The following UNC5D variants were observed in gnomAD, a reference collection of about 807,000 sequenced individuals.
UNC5D encodes the protein netrin receptor UNC5D.
A neutral mutation model predicts 105.4 loss-of-function variants in UNC5D; 39 were observed. The observed-to-expected ratio is 0.37, with a 90% confidence interval of 0.29 to 0.48. The LOEUF (loss-of-function observed/expected upper bound fraction) is 0.48. Ranked by LOEUF, UNC5D falls within the 20% of genes least tolerant of loss-of-function variation. UNC5D has a pLI of 0.98. For synonymous variants in UNC5D, 452 were observed against 450.4 expected, an observed-to-expected ratio of 1.00 and a Z score of -0.04; for missense variants, 991 against 1,202.4, an observed-to-expected ratio of 0.82 and a Z score of 2.60.
At chr8:35,280,548 T>A (rs1350846940) in intron 1 of UNC5D, among the ~76,000 whole-genome samples, 2 of 152,210 alleles carry the variant, frequency 1.3e-5, no homozygotes, top group Non-Finnish European at 1.5e-5. Flanking sequence ...TTGTTATTGT[T>A]GGTGGGGTCG....
intron 1 of UNC5D, chr8:35,525,362 G>A (rs562376644): frequency 1.4e-5 from 22 of 1,611,958 alleles, no homozygotes; most frequent in Admixed American, 3.3e-5. Context: ...CCATGACTAC[G>A]ATGTTTTTTT....
At chr8:35,646,603 A>G (rs1369515863) in intron 4 of UNC5D, among the ~76,000 whole-genome samples, 4 of 152,114 alleles carry the variant, frequency 2.6e-5, no homozygotes, top group African/African-American at 4.8e-5. Context: ...TAGTACTTAA[A>G]GCTTAATACT....
In UNC5D at chr8:35,587,965, AATATATATATATAT is replaced by A. The variant is rs57681405; in HGVS notation, c.467-7573_467-7560del. 4.1e-4 allele frequency among the ~76,000 whole-genome samples: 43 copies of A among 105,096 alleles called. 1 individual carries two copies. The highest frequency in any genetic ancestry group is 3.9e-3 in the South Asian group (10 of 2,536). The allele number at this position is 105,096 out of a possible 152,430, so 68.9% of individuals were successfully genotyped here. A position where few individuals can be genotyped will look rare whatever the true frequency, so the allele number is the denominator to read the frequency against. ...TTAGGGTTTTTCCTATAACTATAAT[AATATATATATATAT>A]ATATATATATATATACTAATCCCAC... On this transcript the variant is annotated intron_variant, in intron 3 of 16. Transcript: ENST00000404895.
chr8:35,260,286 C>A (rs916312893), intron 1 of UNC5D, among the ~76,000 whole-genome samples: 4 of 152,098 alleles, frequency 2.6e-5, no homozygotes, highest in Non-Finnish European at 1.5e-5. Flanking sequence ...CTGGAGCGGT[C>A]CATCATTCCA....
chr8:35,405,031 A>G (rs1441035272), intron 1 of UNC5D, among the ~76,000 whole-genome samples: 1 of 152,246 alleles, frequency 6.6e-6, no homozygotes, highest in African/African-American at 2.4e-5. Context: ...CCTCACTATT[A>G]GTGCACATAT....
intron 1 of UNC5D, among the ~76,000 whole-genome samples, chr8:35,357,376 G>A (rs924122118): frequency 4.6e-5 from 7 of 152,254 alleles, no homozygotes; most frequent in African/African-American, 9.6e-5. Context: ...CCCCTAACAA[G>A]CTTTGCTCAT....
intron 1 of UNC5D, among the ~76,000 whole-genome samples, chr8:35,408,334 T>G (rs1215045015): frequency 6.6e-6 from 1 of 151,778 alleles, no homozygotes; most frequent in Non-Finnish European, 1.5e-5. Context: ...TTTTTTTGGT[T>G]TAATATGATG....
intron 1 of UNC5D, among the ~76,000 whole-genome samples, chr8:35,341,145 CAG>C (rs2128902082): frequency 6.6e-6 from 1 of 152,196 alleles, no homozygotes; most frequent in African/African-American, 2.4e-5. Flanking sequence ...ATATAATACT[CAG>C]AGCAAAATCT....
At chr8:35,756,339 G>T (rs1012835581) in intron 13 of UNC5D, among the ~76,000 whole-genome samples, 1 of 151,674 alleles carries the variant, frequency 6.6e-6, no homozygotes, top group Non-Finnish European at 1.5e-5. Context: ...CTTTTAAAAA[G>T]GTACTCTTTT....
chr8:35,696,423 T>C (rs541830577), intron 7 of UNC5D, among the ~76,000 whole-genome samples: 118 of 152,202 alleles, frequency 7.8e-4, no homozygotes, highest in African/African-American at 2.7e-3. Context: ...TTACAAATTT[T>C]ACATTTGCAG....
At chr8:35,637,765 G>T (rs780654868) in intron 4 of UNC5D, among the ~76,000 whole-genome samples, 1 of 152,192 alleles carries the variant, frequency 6.6e-6, no homozygotes. Flanking sequence ...AAAATGGGGT[G>T]CTCCATTTCC....
chr8:35,630,792 C>T (rs1336425718), intron 4 of UNC5D, among the ~76,000 whole-genome samples: 1 of 152,114 alleles, frequency 6.6e-6, no homozygotes, highest in Non-Finnish European at 1.5e-5. Context: ...GAATAATGTA[C>T]TGGGGTGGGG....
Position 35,312,552 on chromosome 8 carries a change from T to C in UNC5D, c.103+76665T>C, listed in dbSNP as rs191802077. 2.6e-5 allele frequency among the ~76,000 whole-genome samples: 4 copies of C among 152,286 alleles called. No homozygotes were observed. In the East Asian group the frequency reaches 5.8e-4, roughly 22 times the overall value. ...GACTAAGAATTATTAGGTGTGGAAA[T>C]TGGATACAAGGATCTTTTGAAGGCA... On this transcript the variant is annotated intron_variant, in intron 1 of 16. Transcript: ENST00000404895.
At chr8:35,253,473 C>CTTTTTTTTTT (rs58063448) in intron 1 of UNC5D, among the ~76,000 whole-genome samples, 10 of 99,824 alleles carry the variant, frequency 1.0e-4, no homozygotes, top group Non-Finnish European at 1.5e-4. Context: ...ATTTTATTTC[C>CTTTTTTTTTT]TTTTTTTTTT....
At chr8:35,749,412 G>A (rs1054917320) in intron 12 of UNC5D, among the ~76,000 whole-genome samples, 1 of 152,154 alleles carries the variant, frequency 6.6e-6, no homozygotes. Flanking sequence ...GCATGAAACT[G>A]GGAGAATTAT....
intron 1 of UNC5D, among the ~76,000 whole-genome samples, chr8:35,354,270 C>T (rs1466878782): frequency 6.6e-6 from 1 of 151,750 alleles, no homozygotes; most frequent in Non-Finnish European, 1.5e-5. Context: ...TTCTTTCCCC[C>T]CCTCTCTTGC....
In UNC5D at chr8:35,795,206, T is replaced by A. The variant is rs1803209762; in HGVS notation, c.*4643T>A. On this transcript the variant is annotated 3_prime_UTR_variant, in exon 17 of 17. Transcript: ENST00000404895. ...CATCTTACTTATTTTTCAAAAAAGT[T>A]ATAGCTTTGAATTATAGACTATATT... 1 of 152,186 alleles carries A rather than the reference T, an allele frequency of 6.6e-6. No homozygotes were observed. 9.4% of individuals were successfully genotyped at this position (152,186 alleles called of 1,614,324 possible). A position where few individuals can be genotyped will look rare whatever the true frequency, so the allele number is the denominator to read the frequency against.
At chr8:35,718,035 A>G (rs557987788) in intron 8 of UNC5D, among the ~76,000 whole-genome samples, 1 of 151,588 alleles carries the variant, frequency 6.6e-6, no homozygotes, top group Non-Finnish European at 1.5e-5. Context: ...GTAGTTTCTG[A>G]CTAATTTGGA....
chr8:35,784,611 G>A (rs1211154097), intron 16 of UNC5D, among the ~76,000 whole-genome samples: 2 of 151,958 alleles, frequency 1.3e-5, no homozygotes, highest in Non-Finnish European at 2.9e-5. Context: ...AGCTGGGCAT[G>A]GTGGCACACA....
Sources: gnomAD v4.1 joint callset for allele counts (sites outside exome capture counted in the v4.1 genomes callset) on GRCh38, gnomAD v4.1.1 for gene constraint, MANE v1.5 for transcripts, NCBI Gene and HGNC (gene_info 2026-07-23, HGNC 2026-07-21) for gene names.